Variants in CNTNAP2 observed in about 807,000 individuals in gnomAD.
CNTNAP2 encodes the protein contactin-associated protein-like 2.
A neutral mutation model predicts 155.2 loss-of-function variants in CNTNAP2; 98 were observed. That is an observed-to-expected ratio of 0.63 (90% CI 0.54 to 0.75). The LOEUF is 0.75. Among genes scored for constraint, CNTNAP2 ranks in the 30% least tolerant of loss-of-function variants. The pLI is 0.00. For missense variants in CNTNAP2, 1,727 were observed against 1,688.1 expected (o/e 1.02, Z -0.40); for synonymous variants, 651 against 631.2 (o/e 1.03, Z -0.47).
At chr7:148,163,605 A>G (rs1000111273) in intron 17 of CNTNAP2, among the ~76,000 whole-genome samples, 5 of 152,194 alleles carry the variant, frequency 3.3e-5, no homozygotes, top group African/African-American at 1.2e-4. Flanking sequence ...AAGAAAATCC[A>G]TGCAATAATA....
At chr7:146,999,719 C>T (rs550764890) in intron 3 of CNTNAP2, among the ~76,000 whole-genome samples, 13 of 152,082 alleles carry the variant, frequency 8.5e-5, no homozygotes, top group South Asian at 4.1e-4. Context: ...TCTCTTAGCC[C>T]GTAAGATTTT....
At chr7:147,743,456 T>C (rs1796987086) in intron 13 of CNTNAP2, among the ~76,000 whole-genome samples, 1 of 152,150 alleles carries the variant, frequency 6.6e-6, no homozygotes, top group Admixed American at 6.5e-5. Context: ...ATTTGCTTTG[T>C]CTTTCTTTCT....
chr7:148,051,033 G>A (rs941080382), intron 15 of CNTNAP2, among the ~76,000 whole-genome samples: 1 of 152,090 alleles, frequency 6.6e-6, no homozygotes, highest in Non-Finnish European at 1.5e-5. Context: ...CATCGTTCAG[G>A]CTCAGCAATG....
chr7:146,671,844 C>G (rs1300034290), intron 1 of CNTNAP2, among the ~76,000 whole-genome samples: 1 of 149,704 alleles, frequency 6.7e-6, no homozygotes, highest in East Asian at 2.0e-4. Context: ...TTGATGGAGT[C>G]TAACTCTGTC....
In CNTNAP2 at chr7:146,403,166, T is replaced by G. The variant is rs116741832; in HGVS notation, c.97+286193T>G. On this transcript the variant is annotated intron_variant, in intron 1 of 23. Coordinates refer to ENST00000361727, the MANE Select transcript of CNTNAP2 (RefSeq NM_014141.6). ...ATAGAGGTTAGCCAATTCACATCAA[T>G]TTTTAATTATATACTTTTTCAAAAA... Among the ~76,000 whole-genome samples the G allele has an allele frequency of 2.1e-3, 324 of 152,248 alleles. 3 individuals are homozygous for G. The highest frequency in any genetic ancestry group is 7.5e-3 in the African/African-American group (313 of 41,566).
chr7:146,240,111 A>G (rs1341465690), intron 1 of CNTNAP2, among the ~76,000 whole-genome samples: 1 of 152,188 alleles, frequency 6.6e-6, no homozygotes, highest in African/African-American at 2.4e-5. Flanking sequence ...TTCCTTTTAA[A>G]TAATAGAAAC....
At chr7:146,643,404 T>A (rs1799748742) in intron 1 of CNTNAP2, among the ~76,000 whole-genome samples, 1 of 152,072 alleles carries the variant, frequency 6.6e-6, no homozygotes, top group Non-Finnish European at 1.5e-5. Context: ...CAGCACCATT[T>A]ATTAAATAGG....
chr7:146,757,569 T>G (rs1802014606), intron 1 of CNTNAP2, among the ~76,000 whole-genome samples: 1 of 152,186 alleles, frequency 6.6e-6, no homozygotes, highest in African/African-American at 2.4e-5. Context: ...ATGATGTTCA[T>G]TTCTCCTGCT....
chr7:148,259,053 G>A (rs1190468757), intron 20 of CNTNAP2, among the ~76,000 whole-genome samples: 6 of 151,866 alleles, frequency 4.0e-5, no homozygotes, highest in African/African-American at 9.7e-5. Context: ...GCATGTGCCT[G>A]TAATCCCAGC....
chr7:148,347,252 G>A (rs529763756), intron 21 of CNTNAP2, among the ~76,000 whole-genome samples: 4 of 148,418 alleles, frequency 2.7e-5, no homozygotes, highest in Non-Finnish European at 4.5e-5. Context: ...GTGAGACTCC[G>A]TCTCAAAAAA....
rs1804300302 is a variant in CNTNAP2, at chr7:148,109,591, T to C, written c.2384-8527T>C. On this transcript the variant is annotated intron_variant, in intron 15 of 23. Coordinates refer to ENST00000361727, the MANE Select transcript of CNTNAP2 (RefSeq NM_014141.6). ...TAGAGACAGGGTTTCTCCATGTTGG[T>C]CAGGCTGGTTTCAAACTCCCGACCT... is the stretch of plus-strand genomic sequence containing the variant. 1.3e-5 allele frequency among the ~76,000 whole-genome samples: 2 copies of C among 151,774 alleles called. 1 individual carries two copies. Among genetic ancestry groups the C allele is most frequent in the South Asian group, 4.2e-4 (2 of 4,818 alleles).
intron 3 of CNTNAP2, among the ~76,000 whole-genome samples, chr7:146,982,920 C>T (rs1030987678): frequency 6.6e-6 from 1 of 151,992 alleles, no homozygotes; most frequent in African/African-American, 2.4e-5. Context: ...CTACACGTAT[C>T]CAGGGATTAT....
chr7:147,145,921 T>C (rs1393436367), intron 8 of CNTNAP2, among the ~76,000 whole-genome samples: 2 of 152,222 alleles, frequency 1.3e-5, no homozygotes, highest in African/African-American at 4.8e-5. Flanking sequence ...TGTTATTTGT[T>C]TTCTACAGAT....
chr7:147,108,013 A>G, intron 4 of CNTNAP2, 134 bp from the exon 5 acceptor site: 1 of 761,586 alleles, frequency 1.3e-6, no homozygotes. Context: ...GAAGGAATAG[A>G]AGAAAAACAG....
chr7:146,555,813 T>C (rs1288033306), intron 1 of CNTNAP2, among the ~76,000 whole-genome samples: 1 of 152,260 alleles, frequency 6.6e-6, no homozygotes, highest in Middle Eastern at 3.4e-3. Context: ...CCAATTAATA[T>C]TGGGTGACCT....
At chr7:146,751,763 C>T (rs1336479387) in intron 1 of CNTNAP2, among the ~76,000 whole-genome samples, 2 of 151,964 alleles carry the variant, frequency 1.3e-5, no homozygotes, top group Non-Finnish European at 2.9e-5. Context: ...TCTCCTAATG[C>T]TCTCCCTCTC....
At chr7:147,492,132 A>G (rs2116650051) in intron 11 of CNTNAP2, among the ~76,000 whole-genome samples, 1 of 152,214 alleles carries the variant, frequency 6.6e-6, no homozygotes, top group Non-Finnish European at 1.5e-5. Context: ...AGGGTGGGGG[A>G]AGTGGGTAAG....
At chr7:146,790,719 G>A (rs1405710580) in intron 2 of CNTNAP2, among the ~76,000 whole-genome samples, 3 of 151,886 alleles carry the variant, frequency 2.0e-5, no homozygotes, top group South Asian at 2.1e-4. Context: ...ACAGGCTCCC[G>A]CCACCACGCC....
chr7:146,308,212 C>A (rs1800751323), intron 1 of CNTNAP2, among the ~76,000 whole-genome samples: 1 of 152,066 alleles, frequency 6.6e-6, no homozygotes, highest in African/African-American at 2.4e-5. Flanking sequence ...ATGCAGCCAA[C>A]AGACACATGA....
Sources: allele counts gnomAD v4.1 joint callset (sites outside exome capture counted in the v4.1 genomes callset), GRCh38; gene constraint gnomAD v4.1.1; transcripts MANE v1.5; gene names NCBI Gene and HGNC (gene_info 2026-07-23, HGNC 2026-07-21).